C3orf85: variants seen among roughly 807,000 people sequenced by gnomAD.
The protein encoded by C3orf85 is uncharacterized protein C3orf85.
A neutral mutation model predicts 1.7 loss-of-function variants in C3orf85; 1 was observed. The ratio of observed to expected loss-of-function variants is 0.60; its 90% confidence interval spans 0.21 to 2.86. The LOEUF (loss-of-function observed/expected upper bound fraction) is 2.86, where lower values mean the gene tolerates loss of function less well. Among genes scored for constraint, C3orf85 ranks in the 30% most tolerant of loss-of-function variants. The pLI, the probability that C3orf85 is intolerant of heterozygous loss-of-function variation, is 0.22. For missense variants in C3orf85, 29 were observed against 21.3 expected, an observed-to-expected ratio of 1.36 and a Z score of -0.72; for synonymous variants, 17 against 8.0, an observed-to-expected ratio of 2.13 and a Z score of -1.90.
chr3:109,145,358 G>A lies in C3orf85; in HGVS notation c.50-2895G>A, dbSNP rs1423776182. On this transcript the variant is annotated intron_variant, in intron 2 of 3. Transcript: ENST00000622536. Reference sequence around the variant, plus strand: ...AAGAACTTTGATGGTATTATGCCATGTGAAGTAAGCCAGACGGAAAAGAAC... The same window carrying A: ...AAGAACTTTGATGGTATTATGCCATATGAAGTAAGCCAGACGGAAAAGAAC... Among the ~76,000 whole-genome samples, 3 of 152,212 alleles carry A rather than the reference G, an allele frequency of 2.0e-5. No individual in the cohort carries two copies. In the East Asian group the frequency reaches 5.8e-4, roughly 29 times the overall value.
At chr3:109,148,143 C>T (rs2107836988) in intron 2 of C3orf85, 110 bp from the exon 3 acceptor site, 1 of 611,422 alleles carries the variant, frequency 1.6e-6, no homozygotes, top group Non-Finnish European at 2.9e-6. Context: ...AGAGTTTCCT[C>T]CTCAGGCCCC....
At chr3:109,148,096 C>G (rs1456307677) in intron 2 of C3orf85, among the ~76,000 whole-genome samples, 157 bp from the exon 3 acceptor site, 1 of 152,106 alleles carries the variant, frequency 6.6e-6, no homozygotes, top group East Asian at 1.9e-4. Context: ...GACAAAGGGC[C>G]AAGGAGTAGC....
intron 3 of C3orf85, 101 bp from the exon 4 acceptor site, chr3:109,149,704 T>G (rs1448290132): frequency 2.5e-6 from 1 of 394,740 alleles, no homozygotes; most frequent in East Asian, 3.6e-5. Context: ...CCATTATATT[T>G]TTCTCATCTT....
In C3orf85 at chr3:109,150,755, G is replaced by A. The variant is rs1370731995; in HGVS notation, c.*861G>A. On this transcript the variant is annotated 3_prime_UTR_variant, in exon 4 of 4. Coordinates refer to ENST00000622536, the MANE Select transcript of C3orf85 (RefSeq NM_001351622.2). ...TGCCCCCCAAAATCACAGGTAAATGGAATTTTTGTCTTCAGAAGTCTATTT... is the reference window on the plus strand; with the variant it reads ...TGCCCCCCAAAATCACAGGTAAATGAAATTTTTGTCTTCAGAAGTCTATTT... Among the ~76,000 whole-genome samples the A allele has an allele frequency of 1.3e-5, 2 of 152,126 alleles. No individual in the cohort carries two copies. Among genetic ancestry groups the A allele is most frequent in the Admixed American group, 1.3e-4 (2 of 15,270 alleles).
chr3:109,138,287 T>C (rs958654457), intron 2 of C3orf85, among the ~76,000 whole-genome samples: 1 of 152,216 alleles, frequency 6.6e-6, no homozygotes, highest in Non-Finnish European at 1.5e-5. Context: ...CAGAGGTGTA[T>C]GCACACTGCT....
At chr3:109,140,115 C>T (rs1242193998) in intron 2 of C3orf85, among the ~76,000 whole-genome samples, 1 of 151,910 alleles carries the variant, frequency 6.6e-6, no homozygotes, top group African/African-American at 2.4e-5. Flanking sequence ...TTAATTTTAC[C>T]TACTCACTTG....
chr3:109,140,979 T>G (rs1475263441), intron 2 of C3orf85, among the ~76,000 whole-genome samples: 3 of 152,104 alleles, frequency 2.0e-5, no homozygotes, highest in African/African-American at 7.2e-5. Context: ...TTGCTGTTGT[T>G]TGTTTTGTTT....
In C3orf85 at chr3:109,140,985, T is replaced by C. The variant is rs535212049; in HGVS notation, c.49+4089T>C. On this transcript the variant is annotated intron_variant, in intron 2 of 3. Coordinates refer to ENST00000622536, the MANE Select transcript of C3orf85 (RefSeq NM_001351622.2). ...GTTTTTTTGTTGCTGTTGTTTGTTT[T>C]GTTTTTGTTTTTGTTTTTTGAGACG... Among the ~76,000 whole-genome samples the C allele has an allele frequency of 7.2e-5, 11 of 152,302 alleles. No individual in the cohort carries two copies. In the South Asian group the frequency reaches 2.3e-3, roughly 32 times the overall value.
chr3:109,142,444 G>C (rs149295564), intron 2 of C3orf85, among the ~76,000 whole-genome samples: 1 of 152,126 alleles, frequency 6.6e-6, no homozygotes, highest in Non-Finnish European at 1.5e-5. Flanking sequence ...AAGCAAGCCT[G>C]CACTGCTTAC....
intron 2 of C3orf85, among the ~76,000 whole-genome samples, chr3:109,143,640 G>T (rs1706764797): frequency 6.6e-6 from 1 of 152,154 alleles, no homozygotes; most frequent in Non-Finnish European, 1.5e-5. Flanking sequence ...ACCATGCATA[G>T]AAAGTAGTTT....
At chr3:109,147,541 T>C (rs951875383) in intron 2 of C3orf85, among the ~76,000 whole-genome samples, 1 of 152,232 alleles carries the variant, frequency 6.6e-6, no homozygotes, top group African/African-American at 2.4e-5. Context: ...AATTGTGTTT[T>C]ACTTGAGAAT....
intron 2 of C3orf85, among the ~76,000 whole-genome samples, chr3:109,145,401 A>G (rs1706787505): frequency 6.6e-6 from 1 of 152,204 alleles, no homozygotes; most frequent in Non-Finnish European, 1.5e-5. Flanking sequence ...CTATGATTCC[A>G]CTTACATGTG....
intron 2 of C3orf85, among the ~76,000 whole-genome samples, chr3:109,143,663 C>T (rs1253091442): frequency 1.3e-5 from 2 of 152,120 alleles, no homozygotes; most frequent in Non-Finnish European, 2.9e-5. Flanking sequence ...GATTAATGAC[C>T]TATTTGTTAT....
rs1479795414 is a variant in C3orf85 at position 109,150,966 on chromosome 3, T to G, written c.*1072T>G. 6.6e-6 allele frequency among the ~76,000 whole-genome samples: 1 copy of G among 152,178 alleles called. No individual in the cohort carries two copies. ...TGCCAAGAAGTTGACTGGAAGGACT[T>G]TGGCCTCAGCAATTTCTTCTCCAAA... On this transcript the variant is annotated 3_prime_UTR_variant, in exon 4 of 4. Transcript: ENST00000622536.
chr3:109,139,750 G>A (rs1206767733), intron 2 of C3orf85, among the ~76,000 whole-genome samples: 1 of 152,136 alleles, frequency 6.6e-6, no homozygotes, highest in Admixed American at 6.5e-5. Context: ...GTTGACCTGC[G>A]ATCAGATCTG....
intron 2 of C3orf85, among the ~76,000 whole-genome samples, chr3:109,139,710 C>T (rs771218628): frequency 1.3e-5 from 2 of 152,062 alleles, no homozygotes; most frequent in African/African-American, 4.8e-5. Flanking sequence ...GACCCATACA[C>T]GAAACGATTT....
intron 2 of C3orf85, among the ~76,000 whole-genome samples, chr3:109,139,552 G>A (rs1447434409): frequency 6.6e-6 from 1 of 152,124 alleles, no homozygotes; most frequent in Admixed American, 6.5e-5. Context: ...ACTTTTGAAC[G>A]CTATTAAGAT....
intron 2 of C3orf85, among the ~76,000 whole-genome samples, chr3:109,144,688 C>T (rs1706776944): frequency 6.6e-6 from 1 of 152,056 alleles, no homozygotes; most frequent in Non-Finnish European, 1.5e-5. Context: ...GTATAATGCA[C>T]CAGGATGACT....
chr3:109,140,753 T>C (rs571559743), intron 2 of C3orf85, among the ~76,000 whole-genome samples: 3 of 152,318 alleles, frequency 2.0e-5, no homozygotes, highest in Admixed American at 6.5e-5. Context: ...TCCAAAAACA[T>C]GTCCAAGGAA....
Sources: gnomAD v4.1 joint callset for allele counts (sites outside exome capture counted in the v4.1 genomes callset) on GRCh38, gnomAD v4.1.1 for gene constraint, MANE v1.5 for transcripts, NCBI Gene and HGNC (gene_info 2026-07-23, HGNC 2026-07-21) for gene names.